The following KCNIP4 variants were observed in gnomAD, a reference collection of about 807,000 sequenced individuals.
KCNIP4 encodes the protein potassium voltage-gated channel interacting protein 4.
Under a neutral mutation model 34.0 loss-of-function variants are expected in KCNIP4, and 12 were observed. The observed-to-expected ratio is 0.35, with a 90% CI of 0.23 to 0.57. The LOEUF is 0.57. Ranked by LOEUF, KCNIP4 falls within the 20% of genes least tolerant of loss-of-function variation. The pLI, the probability that KCNIP4 is intolerant of heterozygous loss-of-function variation, is 0.83. For missense variants in KCNIP4, 238 were observed against 311.7 expected (o/e 0.76, Z 1.78); for synonymous variants, 124 against 102.2 (o/e 1.21, Z -1.29).
intron 1 of KCNIP4, among the ~76,000 whole-genome samples, chr4:21,156,773 GT>G (rs920304808): frequency 6.6e-6 from 1 of 151,570 alleles, no homozygotes; most frequent in South Asian, 2.1e-4. Context: ...TGGTGATACT[GT>G]TTTTTTTAAT....
intron 1 of KCNIP4, among the ~76,000 whole-genome samples, chr4:21,027,041 G>A (rs990364808): frequency 6.6e-6 from 1 of 152,302 alleles, no homozygotes. Context: ...AGATTATTCT[G>A]ACTGTGTTGA....
At chr4:21,333,236 T>G (rs1715829668) in intron 1 of KCNIP4, among the ~76,000 whole-genome samples, 1 of 152,036 alleles carries the variant, frequency 6.6e-6, no homozygotes, top group Non-Finnish European at 1.5e-5. Context: ...GTCTTACTTG[T>G]TTTCCCTCCT....
chr4:21,870,046 C>A (rs966467823), intron 1 of KCNIP4, among the ~76,000 whole-genome samples: 2 of 152,100 alleles, frequency 1.3e-5, no homozygotes, highest in Non-Finnish European at 2.9e-5. Context: ...TGTGTATCTG[C>A]GGCAAGGTAA....
intron 1 of KCNIP4, among the ~76,000 whole-genome samples, chr4:21,470,828 A>C (rs1252629799): frequency 6.6e-6 from 1 of 152,126 alleles, no homozygotes; most frequent in Non-Finnish European, 1.5e-5. Context: ...TTTAACAAAA[A>C]AAAAAAAGTC....
At chr4:21,042,898 G>A (rs958283985) in intron 1 of KCNIP4, among the ~76,000 whole-genome samples, 1 of 152,152 alleles carries the variant, frequency 6.6e-6, no homozygotes, top group African/African-American at 2.4e-5. Flanking sequence ...TAAACATTAT[G>A]CAACCAGACA....
intron 1 of KCNIP4, among the ~76,000 whole-genome samples, chr4:21,466,484 T>C (rs1289317993): frequency 6.6e-6 from 1 of 152,160 alleles, no homozygotes; most frequent in East Asian, 1.9e-4. Context: ...ATTCATTAAC[T>C]AACATTTTCC....
chr4:20,745,805 C>T (rs1347142480), intron 5 of KCNIP4, among the ~76,000 whole-genome samples: 1 of 152,100 alleles, frequency 6.6e-6, no homozygotes, highest in Non-Finnish European at 1.5e-5. Flanking sequence ...CCTCCTGACT[C>T]CCCTGACTCC....
chr4:21,864,133 T>C (rs1273169535), intron 1 of KCNIP4, among the ~76,000 whole-genome samples: 1 of 152,164 alleles, frequency 6.6e-6, no homozygotes, highest in African/African-American at 2.4e-5. Context: ...AATATAATAA[T>C]CCAAAGATGG....
chr4:20,848,675 A>G (rs920038677), intron 3 of KCNIP4, among the ~76,000 whole-genome samples: 1 of 152,092 alleles, frequency 6.6e-6, no homozygotes. Flanking sequence ...CCAAACAGAG[A>G]AACCCTACGG....
chr4:21,485,404 C>CA (rs1171873173), intron 1 of KCNIP4, among the ~76,000 whole-genome samples: 1 of 152,134 alleles, frequency 6.6e-6, no homozygotes, highest in African/African-American at 2.4e-5. Flanking sequence ...GCTAGCCCCT[C>CA]CTACTCCCCA....
chr4:20,797,527 T>C (rs1161778709), intron 3 of KCNIP4, among the ~76,000 whole-genome samples: 1 of 152,226 alleles, frequency 6.6e-6, no homozygotes, highest in African/African-American at 2.4e-5. Context: ...AGTAAAGCTA[T>C]GTACACTATA....
At chr4:21,552,540 T>A (rs1266406173) in intron 1 of KCNIP4, among the ~76,000 whole-genome samples, 3 of 152,130 alleles carry the variant, frequency 2.0e-5, no homozygotes, top group Non-Finnish European at 2.9e-5. Context: ...TTACAAAGCA[T>A]AATAAATCCC....
At chr4:21,645,424 C>G (rs990769112) in intron 1 of KCNIP4, among the ~76,000 whole-genome samples, 4 of 152,152 alleles carry the variant, frequency 2.6e-5, no homozygotes, top group African/African-American at 9.7e-5. Flanking sequence ...AAGAGATAAA[C>G]ATCTGAAAGT....
At chr4:21,273,978 G>A (rs1017390644) in intron 1 of KCNIP4, among the ~76,000 whole-genome samples, 4 of 152,112 alleles carry the variant, frequency 2.6e-5, no homozygotes, top group African/African-American at 9.7e-5. Context: ...AGCAGGACAG[G>A]TGTGCTTATT....
At chr4:21,403,199 T>C (rs1038174383) in intron 1 of KCNIP4, among the ~76,000 whole-genome samples, 64 of 152,228 alleles carry the variant, frequency 4.2e-4, no homozygotes, top group African/African-American at 1.5e-3. Context: ...CTCCATTATT[T>C]ATTAAGTATA....
At chr4:21,701,665 T>C (rs1266297296) in intron 1 of KCNIP4, among the ~76,000 whole-genome samples, 1 of 152,120 alleles carries the variant, frequency 6.6e-6, no homozygotes, top group East Asian at 1.9e-4. Context: ...TACTCAAAAA[T>C]TAAGATGGAT....
chr4:20,817,599 A>C (rs1240792680), intron 3 of KCNIP4, among the ~76,000 whole-genome samples: 1 of 147,412 alleles, frequency 6.8e-6, no homozygotes. Flanking sequence ...CTTTGCTATC[A>C]CCTTATTGCC....
intron 1 of KCNIP4, among the ~76,000 whole-genome samples, chr4:21,853,891 G>A (rs1326079970): frequency 6.6e-6 from 1 of 152,184 alleles, no homozygotes; most frequent in East Asian, 1.9e-4. Context: ...GGGGTCATGT[G>A]CCATCCATGG....
At chr4:21,002,998 C>G (rs1334133772) in intron 1 of KCNIP4, among the ~76,000 whole-genome samples, 1 of 152,120 alleles carries the variant, frequency 6.6e-6, no homozygotes, top group Non-Finnish European at 1.5e-5. Context: ...GTATCATTTT[C>G]TGACTGCTCT....
Sources: gnomAD v4.1 joint callset for allele counts (sites outside exome capture counted in the v4.1 genomes callset) on GRCh38, gnomAD v4.1.1 for gene constraint, MANE v1.5 for transcripts, NCBI Gene and HGNC (gene_info 2026-07-23, HGNC 2026-07-21) for gene names.